SLC25A21: variants seen among roughly 807,000 people sequenced by gnomAD.
SLC25A21 encodes the protein solute carrier family 25 member 21, also known as mitochondrial 2-oxodicarboxylate carrier.
SLC25A21 carries 47 observed loss-of-function variants against 43.8 expected under a neutral mutation model. The observed-to-expected ratio is 1.07, with a 90% CI of 0.85 to 1.37. The LOEUF is 1.37. Ranked by LOEUF, SLC25A21 falls within the 40% of genes most tolerant of loss-of-function variation. SLC25A21 has a pLI of 0.00. For synonymous variants in SLC25A21, 131 were observed against 121.3 expected (o/e 1.08, Z -0.52); for missense variants, 352 against 350.2 (o/e 1.00, Z -0.04).
At chr14:36,959,962 T>C (rs1393819191) in intron 1 of SLC25A21, among the ~76,000 whole-genome samples, 1 of 152,202 alleles carries the variant, frequency 6.6e-6, no homozygotes, top group Non-Finnish European at 1.5e-5. Flanking sequence ...AATGTCTGCC[T>C]GTTAGATCCC....
At position 37,105,595 on chromosome 14, in the gene SLC25A21, G is replaced by A. The variant is rs933327082; in HGVS notation, c.70+66686C>T. On this transcript the variant is annotated intron_variant, in intron 1 of 9. Transcript: ENST00000331299. The stretch of plus-strand genomic sequence containing the variant: ...ATTTTAAGAAGAAAAGAGAGTCAGC[G>A]TGGGGATGAATCATGGCTATCCATT... Among the ~76,000 whole-genome samples the A allele has an allele frequency of 7.9e-5, 12 of 152,120 alleles. 1 individual carries two copies. Among genetic ancestry groups the A allele is most frequent in the African/African-American group, 7.2e-5 (3 of 41,420 alleles).
intron 1 of SLC25A21, among the ~76,000 whole-genome samples, chr14:37,121,298 T>C (rs1293610066): frequency 6.6e-6 from 1 of 152,172 alleles, no homozygotes; most frequent in East Asian, 1.9e-4. Context: ...CAGGGCACGA[T>C]TTTTCCCCTG....
chr14:36,697,549 C>T (rs1042178639), intron 7 of SLC25A21, among the ~76,000 whole-genome samples: 1 of 152,048 alleles, frequency 6.6e-6, no homozygotes, highest in Admixed American at 6.6e-5. Context: ...GAGTCTAAGT[C>T]TCTTTGTAGG....
intron 1 of SLC25A21, among the ~76,000 whole-genome samples, chr14:36,993,165 T>C (rs1380628659): frequency 6.6e-6 from 1 of 152,184 alleles, no homozygotes; most frequent in Non-Finnish European, 1.5e-5. Flanking sequence ...ATACTGCTAT[T>C]TTCTATAGAA....
chr14:36,744,459 T>C (rs760162377), intron 3 of SLC25A21, among the ~76,000 whole-genome samples: 1 of 152,100 alleles, frequency 6.6e-6, no homozygotes, highest in African/African-American at 2.4e-5. Flanking sequence ...ATTCAATAAA[T>C]AGTTCTGGGA....
In SLC25A21 at chr14:37,168,201, C is replaced by A. The variant is rs112871824; in HGVS notation, c.70+4080G>T. 2.0e-5 allele frequency among the ~76,000 whole-genome samples: 3 copies of A among 152,156 alleles called. 1 individual carries two copies. The highest frequency in any genetic ancestry group is 1.9e-4 in the East Asian group (1 of 5,162). ...AACCTCTTCTCATTCTCATCTTTAA[C>A]CCCTCTGCAATGCTGGTCTTTGTTG... is the stretch of plus-strand genomic sequence containing the variant. On this transcript the variant is annotated intron_variant, in intron 1 of 9. Coordinates refer to ENST00000331299, the MANE Select transcript of SLC25A21 (RefSeq NM_030631.4).
chr14:37,131,198 C>G (rs1450259682), intron 1 of SLC25A21, among the ~76,000 whole-genome samples: 8 of 152,154 alleles, frequency 5.3e-5, no homozygotes, highest in Non-Finnish European at 1.2e-4. Flanking sequence ...ATGCCGGACT[C>G]CCTAACTGAG....
intron 1 of SLC25A21, among the ~76,000 whole-genome samples, chr14:36,958,678 T>TGCGCGCGC (rs147541950): frequency 2.0e-4 from 21 of 107,658 alleles, no homozygotes; most frequent in South Asian, 8.6e-4. Flanking sequence ...TAAGCACACG[T>TGCGCGCGC]GCACACACAC....
chr14:36,765,977 T>C (rs1364048151), intron 3 of SLC25A21, among the ~76,000 whole-genome samples: 1 of 152,148 alleles, frequency 6.6e-6, no homozygotes, highest in Non-Finnish European at 1.5e-5. Flanking sequence ...TCTTTCCAAC[T>C]TCTAGGAATG....
At chr14:37,022,525 C>T (rs1320681859) in intron 1 of SLC25A21, among the ~76,000 whole-genome samples, 3 of 151,902 alleles carry the variant, frequency 2.0e-5, no homozygotes, top group East Asian at 1.9e-4. Flanking sequence ...AGATCTCTCT[C>T]TCAACAACCT....
At chr14:36,937,782 A>G (rs1386256581) in intron 1 of SLC25A21, among the ~76,000 whole-genome samples, 2 of 152,166 alleles carry the variant, frequency 1.3e-5, no homozygotes, top group East Asian at 3.9e-4. Context: ...GCAAATGCAA[A>G]GGCCATGAGG....
chr14:36,971,110 T>A (rs1959739368), intron 1 of SLC25A21, among the ~76,000 whole-genome samples: 2 of 152,184 alleles, frequency 1.3e-5, no homozygotes, highest in African/African-American at 4.8e-5. Context: ...CAAACTGAAA[T>A]GAACTTTCCG....
At chr14:36,699,739 G>T (rs926924856) in intron 7 of SLC25A21, among the ~76,000 whole-genome samples, 6 of 152,186 alleles carry the variant, frequency 3.9e-5, no homozygotes, top group Non-Finnish European at 8.8e-5. Context: ...CTTTGTGGGC[G>T]TGGGACCCAC....
chr14:36,808,957 T>A (rs1429678185), intron 3 of SLC25A21: 2 of 152,046 alleles, frequency 1.3e-5, no homozygotes, highest in African/African-American at 4.8e-5. Context: ...TAATGTATAG[T>A]CCCCTCACCC....
At chr14:37,163,490 A>G (rs530361729) in intron 1 of SLC25A21, among the ~76,000 whole-genome samples, 18 of 152,262 alleles carry the variant, frequency 1.2e-4, no homozygotes, top group Admixed American at 6.5e-4. Context: ...TGACACAAAC[A>G]TAATAAAAGA....
intron 1 of SLC25A21, among the ~76,000 whole-genome samples, chr14:37,159,914 C>A (rs1318764915): frequency 6.6e-6 from 1 of 152,002 alleles, no homozygotes; most frequent in Non-Finnish European, 1.5e-5. Context: ...AGGCAAAGTA[C>A]ACGAATAGAC....
At chr14:37,033,540 A>G (rs2138772071) in intron 1 of SLC25A21, among the ~76,000 whole-genome samples, 1 of 152,334 alleles carries the variant, frequency 6.6e-6, no homozygotes, top group Middle Eastern at 3.4e-3. Flanking sequence ...CTTGATATCC[A>G]TCCTCCAGGG....
intron 1 of SLC25A21, among the ~76,000 whole-genome samples, chr14:37,053,267 C>T (rs1482974306): frequency 6.6e-6 from 1 of 152,126 alleles, no homozygotes; most frequent in Non-Finnish European, 1.5e-5. Flanking sequence ...GTATGAAAGC[C>T]ACCAATAAGC....
intron 3 of SLC25A21, among the ~76,000 whole-genome samples, chr14:36,775,298 A>G (rs184722545): frequency 6.6e-6 from 1 of 152,350 alleles, no homozygotes; most frequent in East Asian, 1.9e-4. Context: ...TGGTTCCCAG[A>G]ATATTTAGAT....
Sources: allele counts gnomAD v4.1 joint callset (sites outside exome capture counted in the v4.1 genomes callset), GRCh38; gene constraint gnomAD v4.1.1; transcripts MANE v1.5; gene names NCBI Gene and HGNC (gene_info 2026-07-23, HGNC 2026-07-21).